NCAM2: variants seen among roughly 807,000 people sequenced by gnomAD.
NCAM2 encodes N-CAM-2.
In NCAM2, 30 loss-of-function variants were observed where a neutral mutation model predicts 98.1. That is an observed-to-expected ratio of 0.31 (90% CI 0.23 to 0.41). The LOEUF (loss-of-function observed/expected upper bound fraction) is 0.41, where lower values mean the gene tolerates loss of function less well. Among genes scored for constraint, NCAM2 ranks in the 10% least tolerant of loss-of-function variants. NCAM2 has a pLI of 1.00. For synonymous variants in NCAM2, 368 were observed against 342.4 expected (o/e 1.07, Z -0.83); for missense variants, 867 against 1,005.8 (o/e 0.86, Z 1.87).
chr21:21,393,451 T>A (rs2076425910), intron 9 of NCAM2, among the ~76,000 whole-genome samples: 1 of 152,192 alleles, frequency 6.6e-6, no homozygotes, highest in Non-Finnish European at 1.5e-5. Context: ...CCTGTACAAT[T>A]TTTTCTTACC....
chr21:21,401,531 A>G (rs2076630269), intron 9 of NCAM2, among the ~76,000 whole-genome samples: 1 of 152,102 alleles, frequency 6.6e-6, no homozygotes, highest in African/African-American at 2.4e-5. Context: ...ACTGTTTTTT[A>G]TTCCACATGT....
intron 1 of NCAM2, among the ~76,000 whole-genome samples, chr21:21,112,956 G>T (rs979578793): frequency 6.6e-6 from 1 of 152,168 alleles, no homozygotes; most frequent in African/African-American, 2.4e-5. Flanking sequence ...TGAACGTGGG[G>T]TGCATGTGTT....
chr21:21,155,187 A>T (rs2067575495), intron 1 of NCAM2, among the ~76,000 whole-genome samples: 1 of 151,142 alleles, frequency 6.6e-6, no homozygotes, highest in African/African-American at 2.4e-5. Context: ...TTATTGTAAG[A>T]TACTACACTA....
rs192950743 is a variant in NCAM2, at chr21:21,331,484, C to G, written c.738-4021C>G. 8.6e-5 allele frequency among the ~76,000 whole-genome samples: 6 copies of G among 69,568 alleles called. No individual in the cohort carries two copies. The East Asian group carries it at 1.9e-3, about 22-fold the overall frequency. 45.6% of individuals were successfully genotyped at this position (69,568 alleles called of 152,430 possible). On this transcript the variant is annotated intron_variant, in intron 6 of 17. Coordinates refer to ENST00000400546, the MANE Select transcript of NCAM2 (RefSeq NM_004540.5). ...TGTATTTTCATGTTTATTTACTATC[C>G]TGGTTAGTATATATACTCTATACTC...
At chr21:21,289,715 A>C (rs2073226277) in intron 4 of NCAM2, among the ~76,000 whole-genome samples, 1 of 152,000 alleles carries the variant, frequency 6.6e-6, no homozygotes, top group Non-Finnish European at 1.5e-5. Context: ...CTGAAGAAGG[A>C]GGTCAAACCA....
chr21:21,327,368 A>G (rs1466526415), intron 6 of NCAM2, among the ~76,000 whole-genome samples: 1 of 151,334 alleles, frequency 6.6e-6, no homozygotes, highest in Non-Finnish European at 1.5e-5. Context: ...GATGTTTAAG[A>G]TCAAGATACC....
intron 1 of NCAM2, among the ~76,000 whole-genome samples, chr21:21,084,979 G>C (rs1485930616): frequency 6.6e-6 from 1 of 152,102 alleles, no homozygotes; most frequent in Non-Finnish European, 1.5e-5. Flanking sequence ...ACAGGAACTA[G>C]AGAAACCGAT....
chr21:21,168,880 A>G (rs2068036645), intron 1 of NCAM2, among the ~76,000 whole-genome samples: 1 of 152,154 alleles, frequency 6.6e-6, no homozygotes, highest in South Asian at 2.1e-4. Context: ...CTTTATCTAT[A>G]GATTCAACAT....
chr21:21,357,858 CA>C (rs1314327892), intron 8 of NCAM2, among the ~76,000 whole-genome samples: 4 of 151,864 alleles, frequency 2.6e-5, no homozygotes, highest in Non-Finnish European at 5.9e-5. Context: ...ATATAAAAAT[CA>C]AATAAATAAA....
At chr21:21,427,016 A>T (rs1420225962) in intron 11 of NCAM2, among the ~76,000 whole-genome samples, 1 of 152,164 alleles carries the variant, frequency 6.6e-6, no homozygotes, top group Non-Finnish European at 1.5e-5. Flanking sequence ...CAAAAATCAA[A>T]CTCTTCAGAT....
rs1375493188 is a variant in NCAM2, at chr21:21,332,578, C to G, written c.738-2927C>G. Among the ~76,000 whole-genome samples, 3 of 152,266 alleles carry G rather than the reference C, an allele frequency of 2.0e-5. No homozygotes were observed. The East Asian group carries it at 5.8e-4, about 29-fold the overall frequency. ...TGAGAAGGCCTTACTGGTGTACACT[C>G]ATTGATCAATACTCAGTTAAAGATT... is the stretch of plus-strand genomic sequence containing the variant. On this transcript the variant is annotated intron_variant, in intron 6 of 17. Transcript: ENST00000400546.
intron 9 of NCAM2, among the ~76,000 whole-genome samples, chr21:21,399,281 G>T (rs1462798325): frequency 6.6e-6 from 1 of 152,162 alleles, no homozygotes; most frequent in Non-Finnish European, 1.5e-5. Flanking sequence ...AATGGATAAA[G>T]GCTCCTTAAA....
intron 14 of NCAM2, among the ~76,000 whole-genome samples, chr21:21,475,921 A>G (rs1258778660): frequency 1.3e-5 from 2 of 152,166 alleles, no homozygotes; most frequent in East Asian, 3.9e-4. Flanking sequence ...ATTAACTAGA[A>G]AAAGAGAATA....
intron 9 of NCAM2, among the ~76,000 whole-genome samples, chr21:21,405,285 C>T (rs1460381412): frequency 6.6e-6 from 1 of 151,900 alleles, no homozygotes; most frequent in Non-Finnish European, 1.5e-5. Context: ...CACAATATGC[C>T]TACTGCCAAA....
intron 1 of NCAM2, among the ~76,000 whole-genome samples, chr21:21,038,287 CTAAT>C (rs767086688): frequency 6.6e-6 from 1 of 152,188 alleles, no homozygotes; most frequent in East Asian, 1.9e-4. Flanking sequence ...TGTATACTTA[CTAAT>C]TAGATACTTT....
Position 21,229,903 on chromosome 21 carries a change from G to A in NCAM2, c.56-50675G>A, listed in dbSNP as rs137890623. On this transcript the variant is annotated intron_variant, in intron 1 of 17. Coordinates refer to ENST00000400546, the MANE Select transcript of NCAM2 (RefSeq NM_004540.5). ...TGAACTGTAAATTGGTCAGTGTTTT[G>A]GAGATTACATTAAGTCTTGTATAAA... Among the ~76,000 whole-genome samples, 264 of 151,392 alleles carry A rather than the reference G, an allele frequency of 1.7e-3. 2 individuals carry two copies. The highest frequency in any genetic ancestry group is 6.2e-3 in the East Asian group (32 of 5,174).
intron 1 of NCAM2, among the ~76,000 whole-genome samples, chr21:21,208,316 A>G (rs994515249): frequency 2.6e-5 from 4 of 152,212 alleles, no homozygotes; most frequent in Non-Finnish European, 5.9e-5. Context: ...GTATGTTTTA[A>G]TTATCACTTC....
chr21:21,321,176 AT>A (rs904501952), intron 5 of NCAM2, among the ~76,000 whole-genome samples: 2 of 152,096 alleles, frequency 1.3e-5, no homozygotes, highest in African/African-American at 4.8e-5. Context: ...GATAACGAGC[AT>A]TTTTTCATAT....
intron 5 of NCAM2, among the ~76,000 whole-genome samples, chr21:21,312,932 T>C (rs2074102558): frequency 6.6e-6 from 1 of 151,838 alleles, no homozygotes; most frequent in Non-Finnish European, 1.5e-5. Flanking sequence ...GTTTTTGTTA[T>C]ATATTTTATT....
Sources: allele counts gnomAD v4.1 joint callset (sites outside exome capture counted in the v4.1 genomes callset), GRCh38; gene constraint gnomAD v4.1.1; transcripts MANE v1.5; gene names NCBI Gene and HGNC (gene_info 2026-07-23, HGNC 2026-07-21).